Variants in TRPA1 observed in about 807,000 individuals in gnomAD.
TRPA1 encodes transient receptor potential cation channel subfamily A member 1, also known as ankyrin-like with transmembrane domains 1.
Under a neutral mutation model 131.3 loss-of-function variants are expected in TRPA1, and 129 were observed. That is an observed-to-expected ratio of 0.98 (90% CI 0.85 to 1.14). TRPA1 has a LOEUF of 1.14. TRPA1 is among the 50% of genes most tolerant of loss of function. The pLI is 0.00. For missense variants in TRPA1, 1,304 were observed against 1,354.2 expected (o/e 0.96, Z 0.58); for synonymous variants, 441 against 451.7 (o/e 0.98, Z 0.30).
chr8:72,059,392 C>G lies in TRPA1; in HGVS notation c.991G>C (p.Val331Leu), dbSNP rs758499033. 1.3e-6 allele frequency: 2 copies of G among 1,565,964 alleles called. No homozygotes were observed. Among genetic ancestry groups the G allele is most frequent in the South Asian group, 2.3e-5 (2 of 85,546 alleles). Residue 331 changes from valine (V) to leucine (L), a missense_variant and splice_region_variant, in exon 8 of 27, where the codon GTG (valine) becomes CTG (leucine). Transcript: ENST00000262209. ...AAACCAGTAAAAGGAATAGTTACCA[C>G]TGAAATTAAATAGTCTGCTAGCTCA... ...HHELADYLIS[V>L]GADINKIDSE...
chr8:72,085,257 C>T, the TRPA1 span, among the ~76,000 whole-genome samples: 4 of 152,170 alleles, frequency 2.6e-5, no homozygotes, highest in East Asian at 7.7e-4. Context: ...TTTAATATAG[C>T]ATTTTATATA....
chr8:72,023,225 C>T, intron 26 of TRPA1, 109 bp from the exon 27 acceptor site: 1 of 844,392 alleles, frequency 1.2e-6, no homozygotes, highest in Non-Finnish European at 1.8e-6. Context: ...TGTAGGAACG[C>T]ATAGGTTTTA....
intron 9 of TRPA1, among the ~76,000 whole-genome samples, chr8:72,057,326 T>G (rs1554537462): frequency 1.3e-5 from 2 of 152,104 alleles, no homozygotes. Flanking sequence ...AAGAAGAAGA[T>G]AGCAGAGAAG....
chr8:72,025,932 G>C (rs750593375), intron 25 of TRPA1, 28 bp downstream of exon 25: 2 of 1,561,288 alleles, frequency 1.3e-6, no homozygotes, highest in South Asian at 2.2e-5. Context: ...TCATGTTACT[G>C]ATGTTGTTAT....
Position 72,021,717 on chromosome 8 carries a change from G to T in TRPA1, c.*1189C>A, listed in dbSNP as rs1161856357. ...TGGTGGGTGGGTGGGTGCACACAATGAAATAGTAAGCCACACCAAAGGCCC... is the reference window on the plus strand; with the variant it reads ...TGGTGGGTGGGTGGGTGCACACAATTAAATAGTAAGCCACACCAAAGGCCC... On this transcript the variant is annotated 3_prime_UTR_variant, in exon 27 of 27. Transcript: ENST00000262209. 6.6e-6 allele frequency: 1 copy of T among 151,978 alleles called. No individual in the cohort carries two copies. The highest frequency in any genetic ancestry group is 6.6e-5 in the Admixed American group (1 of 15,256). 9.4% of individuals were successfully genotyped at this position (151,978 alleles called of 1,614,324 possible).
At chr8:72,086,998 T>G in the TRPA1 span, among the ~76,000 whole-genome samples, 1 of 152,218 alleles carries the variant, frequency 6.6e-6, no homozygotes, top group African/African-American at 2.4e-5. Flanking sequence ...AGTCTCACTC[T>G]CATTAAAGCT....
At chr8:72,057,267 T>C (rs544516296) in intron 9 of TRPA1, among the ~76,000 whole-genome samples, 1 of 152,242 alleles carries the variant, frequency 6.6e-6, no homozygotes, top group East Asian at 1.9e-4. Context: ...ACATGAAGCC[T>C]TACCTTTTAA....
rs1811597809 is a variant in TRPA1, at chr8:72,026,073, C to T, written c.2938G>A (p.Val980Met). Residue 980 changes from valine (V) to methionine (M), a missense_variant and splice_region_variant, in exon 25 of 27, where the codon GTG becomes ATG. By Grantham distance (21) the Val-to-Met change is conservative. Transcript: ENST00000262209. ...HASLKRIAMQ[V>M]ELHTSLEKKL... The stretch of plus-strand genomic sequence containing the variant: ...TTCTCTAAGCTGGTATGAAGTTCCA[C>T]CTAAAGTGCATTTTGGATTTATTGA... 2.5e-6 allele frequency: 4 copies of T among 1,612,540 alleles called. No individual in the cohort carries two copies. Among genetic ancestry groups the T allele is most frequent in the Non-Finnish European group, 1.7e-6 (2 of 1,178,746 alleles).
rs11349767 is a variant in TRPA1, at chr8:72,046,456, TAAAAAAAAA to T, written c.2061+48_2061+56del. 4.9e-5 allele frequency: 41 copies of T among 832,202 alleles called. No individual in the cohort carries two copies. The African/African-American group carries it at 8.0e-4, about 16-fold the overall frequency. The allele number at this position is 832,202 out of a possible 1,614,324, so 51.6% of individuals were successfully genotyped here. A position where few individuals can be genotyped will look rare whatever the true frequency, so the allele number is the denominator to read the frequency against. ...ATGTACCCTAAAACTTAAAGTATAATAAAAAAAAAAAAAGAAAAAAAAGAAACTATTTAG... is the reference window on the plus strand; with the variant it reads ...ATGTACCCTAAAACTTAAAGTATAATAAAAGAAAAAAAAGAAACTATTTAG... On this transcript the variant is annotated intron_variant, in intron 17 of 26. Transcript: ENST00000262209.
At chr8:72,038,331 G>T (rs1206981870) in intron 19 of TRPA1, among the ~76,000 whole-genome samples, 1 of 151,830 alleles carries the variant, frequency 6.6e-6, no homozygotes, top group South Asian at 2.1e-4. Flanking sequence ...ATATGAATCT[G>T]TAGGCCAATA....
the TRPA1 span, among the ~76,000 whole-genome samples, chr8:72,084,771 C>G: frequency 6.6e-6 from 1 of 151,112 alleles, no homozygotes; most frequent in East Asian, 1.9e-4. Context: ...CCTGCCTCAG[C>G]CTTCTGAGTA....
In TRPA1 at chr8:72,052,628, C is replaced by T. The variant is rs770067409; in HGVS notation, c.1782G>A (p.Glu594=). 9.3e-6 allele frequency: 15 copies of T among 1,613,494 alleles called. No individual in the cohort carries two copies. The South Asian group carries it at 1.5e-4, about 17-fold the overall frequency. Reference sequence around the variant, plus strand: ...TGCTCCTGATGATCGTAAGAACAACCTCCTTCCTCTTATTGTGAAGTGCAA... The same window carrying T: ...TGCTCCTGATGATCGTAAGAACAACTTCCTTCCTCTTATTGTGAAGTGCAA... The part of the protein sequence containing the change: ...LHLALHNKRK[E]VVLTIIRSKR... The change falls in exon 14 of 27, where the codon GAG becomes GAA. Residue 594 remains glutamate (E), a synonymous_variant. Transcript: ENST00000262209.
intron 23 of TRPA1, 76 bp downstream of exon 23, chr8:72,033,568 A>G: frequency 2.2e-6 from 3 of 1,367,382 alleles, no homozygotes; most frequent in Non-Finnish European, 3.1e-6. Flanking sequence ...GGAAGATTAA[A>G]GAAGTTAAAA....
At chr8:72,055,141 G>C in intron 12 of TRPA1, 1 of 368,200 alleles carries the variant, frequency 2.7e-6, no homozygotes, top group Non-Finnish European at 5.0e-6. Context: ...GAGAAACTAT[G>C]TTTCAAAGAA....
At chr8:72,048,364 G>T (rs143611820) in intron 15 of TRPA1, among the ~76,000 whole-genome samples, 4 of 152,222 alleles carry the variant, frequency 2.6e-5, no homozygotes, top group African/African-American at 9.6e-5. Flanking sequence ...CTTGAGGGTA[G>T]AGGGTCAGAC....
intron 24 of TRPA1, among the ~76,000 whole-genome samples, chr8:72,027,787 G>T (rs1439848517): frequency 6.6e-6 from 1 of 152,158 alleles, no homozygotes; most frequent in Admixed American, 6.5e-5. Flanking sequence ...CAACTCAGGA[G>T]AAGTAGGAGA....
chr8:72,067,685 T>C (rs1329050340), intron 3 of TRPA1, among the ~76,000 whole-genome samples: 1 of 152,186 alleles, frequency 6.6e-6, no homozygotes, highest in Non-Finnish European at 1.5e-5. Context: ...CATGAGGAAA[T>C]ATTTGATATC....
chr8:72,071,990 A>G, intron 1 of TRPA1, 123 bp from the exon 2 acceptor site: 4 of 890,476 alleles, frequency 4.5e-6, no homozygotes, highest in Non-Finnish European at 6.9e-6. Context: ...TATGAGGTAA[A>G]TATTTTTCTT....
chr8:72,089,678 C>CA, the TRPA1 span, among the ~76,000 whole-genome samples: 1 of 151,996 alleles, frequency 6.6e-6, no homozygotes. Flanking sequence ...AACCACAGCT[C>CA]AAAAAATTCA....
Sources: allele counts gnomAD v4.1 joint callset (sites outside exome capture counted in the v4.1 genomes callset), GRCh38; gene constraint gnomAD v4.1.1; transcripts MANE v1.5; gene names NCBI Gene and HGNC (gene_info 2026-07-23, HGNC 2026-07-21).